The following APOLD1 variants were observed in gnomAD, a reference collection of about 807,000 sequenced individuals.
APOLD1 encodes the protein apolipoprotein L domain containing 1.
A neutral mutation model predicts 15.3 loss-of-function variants in APOLD1; 22 were observed. The observed-to-expected ratio is 1.44, with a 90% CI of 1.03 to 2.05. APOLD1 has a LOEUF of 2.05. Among genes scored for constraint, APOLD1 ranks in the 30% most tolerant of loss-of-function variants. APOLD1 has a pLI of 0.00. For synonymous variants in APOLD1, 190 were observed against 167.4 expected, an observed-to-expected ratio of 1.13 and a Z score of -1.04; for missense variants, 394 against 353.5, an observed-to-expected ratio of 1.11 and a Z score of -0.92.
intron 1 of APOLD1, among the ~76,000 whole-genome samples, chr12:12,775,003 T>C (rs1423081290): frequency 6.6e-6 from 1 of 152,236 alleles, no homozygotes; most frequent in African/African-American, 2.4e-5. Context: ...TACACACAGA[T>C]GCTTACCACA....
chr12:12,765,283 G>A (rs1326113228), intron 1 of APOLD1, among the ~76,000 whole-genome samples: 1 of 151,966 alleles, frequency 6.6e-6, no homozygotes, highest in East Asian at 1.9e-4. Flanking sequence ...GAACTCCTGG[G>A]GTCAAGTGAT....
rs1025276086 is a variant in APOLD1 at position 12,788,591 on chromosome 12, AG to A, written c.*940del. 2.6e-5 allele frequency: 4 copies of A among 152,214 alleles called. No individual in the cohort carries two copies. The highest frequency in any genetic ancestry group is 9.7e-5 in the African/African-American group (4 of 41,446). The allele number at this position is 152,214 out of a possible 1,614,324, so 9.4% of individuals were successfully genotyped here. A position where few individuals can be genotyped will look rare whatever the true frequency, so the allele number is the denominator to read the frequency against. On this transcript the variant is annotated 3_prime_UTR_variant, in exon 2 of 2. Transcript: ENST00000356591. ...ATGATGGTGCTGGCTCATATAGTGT[AG>A]TCCCTGGAATGGCAAATTAACATCA...
intron 1 of APOLD1, among the ~76,000 whole-genome samples, chr12:12,774,636 G>A (rs140436870): frequency 2.1e-4 from 32 of 151,062 alleles, no homozygotes; most frequent in Middle Eastern, 6.8e-3. Flanking sequence ...CAAAAAATGG[G>A]CCAATGACCT....
At chr12:12,734,634 G>T (rs76692483) in intron 1 of APOLD1, among the ~76,000 whole-genome samples, 2,223 of 152,236 alleles carry the variant, frequency 0.015, 49 homozygotes, top group African/African-American at 0.049. Context: ...TTATTTTTCA[G>T]GGAAGCTAGA....
intron 1 of APOLD1, among the ~76,000 whole-genome samples, chr12:12,742,454 T>C (rs1358984488): frequency 6.6e-6 from 1 of 152,196 alleles, no homozygotes; most frequent in Non-Finnish European, 1.5e-5. Context: ...AAAGGCCACC[T>C]TCTTCCAAGG....
chr12:12,758,056 G>C (rs1249877959), intron 1 of APOLD1, among the ~76,000 whole-genome samples: 1 of 145,894 alleles, frequency 6.9e-6, no homozygotes, highest in Non-Finnish European at 1.5e-5. Flanking sequence ...CTCCCAAGTA[G>C]CTGGGACTAC....
At chr12:12,780,549 C>T (rs548119273) in intron 1 of APOLD1, among the ~76,000 whole-genome samples, 2 of 151,710 alleles carry the variant, frequency 1.3e-5, no homozygotes, top group South Asian at 2.1e-4. Context: ...CTAAACCTCA[C>T]ATTTACAAGT....
At position 12,787,814 on chromosome 12, in the gene APOLD1, TC is replaced by T; in HGVS notation, c.*165del. 1 of 1,008,828 alleles carries T rather than the reference TC, an allele frequency of 9.9e-7. No homozygotes were observed. Among genetic ancestry groups the T allele is most frequent in the Non-Finnish European group, 1.4e-6 (1 of 711,412 alleles). The allele number at this position is 1,008,828 out of a possible 1,614,324, so 62.5% of individuals were successfully genotyped here. A position where few individuals can be genotyped will look rare whatever the true frequency, so the allele number is the denominator to read the frequency against. On this transcript the variant is annotated 3_prime_UTR_variant, in exon 2 of 2. Transcript: ENST00000356591. This position sits in a 1 kb window ranked among gnomAD's most constrained non-coding sequence, Gnocchi z 4.9. ...GGGCAGGTCCCCAAAGCCCTTCTTT[TC>T]CCATCACTGTGACATCTGCCTGGGC...
Position 12,787,203 on chromosome 12 carries a change from G to A in APOLD1, c.298G>A (p.Ala100Thr), listed in dbSNP as rs753127107. 1 of 1,552,102 alleles carries A rather than the reference G, an allele frequency of 6.4e-7. No individual in the cohort carries two copies. The highest frequency in any genetic ancestry group is 8.6e-7 in the Non-Finnish European group (1 of 1,157,138). Residue 100 changes from alanine to threonine, a missense_variant, in exon 2 of 2, where the codon GCC becomes ACC. Physicochemically the swap from Ala to Thr is moderately conservative, Grantham distance 58. Coordinates refer to ENST00000356591, the MANE Select transcript of APOLD1 (RefSeq NM_030817.3). This position sits in a 1 kb window ranked among gnomAD's most constrained non-coding sequence, Gnocchi z 4.9. The part of the protein sequence containing the change: ...VGLGVATAGG[A>T]VTITSDLSLI... ...GCTGGGGGTGGCCACAGCCGGAGGGGCCGTCACCATCACGTCCGATCTCTC... is the reference window on the plus strand; with the variant it reads ...GCTGGGGGTGGCCACAGCCGGAGGGACCGTCACCATCACGTCCGATCTCTC...
chr12:12,784,256 G>A (rs1271112142), upstream of APOLD1, among the ~76,000 whole-genome samples: 1 of 152,146 alleles, frequency 6.6e-6, no homozygotes, highest in Non-Finnish European at 1.5e-5. Context: ...GAAGTTAGAG[G>A]AACATGTGTC....
intron 1 of APOLD1, among the ~76,000 whole-genome samples, chr12:12,737,957 G>A (rs911776884): frequency 2.0e-5 from 3 of 152,106 alleles, no homozygotes; most frequent in Non-Finnish European, 4.4e-5. Flanking sequence ...TATGTGCCAG[G>A]CCCTGGACTA....
chr12:12,766,246 T>C (rs1357722604), intron 1 of APOLD1, among the ~76,000 whole-genome samples: 1 of 152,184 alleles, frequency 6.6e-6, no homozygotes, highest in Admixed American at 6.5e-5. Context: ...TTCCAAAATC[T>C]TGAAAGAATT....
intron 1 of APOLD1, among the ~76,000 whole-genome samples, chr12:12,745,456 G>T (rs1479256453): frequency 6.6e-6 from 1 of 152,076 alleles, no homozygotes; most frequent in Admixed American, 6.6e-5. Flanking sequence ...GTTGAATCAG[G>T]GAGGTGGAAG....
At chr12:12,777,249 A>G (rs759620526) in intron 1 of APOLD1, among the ~76,000 whole-genome samples, 1 of 152,174 alleles carries the variant, frequency 6.6e-6, no homozygotes, top group African/African-American at 2.4e-5. Context: ...CAGACAGTAG[A>G]TGGGCACTTG....
chr12:12,749,946 T>C (rs2136379051), intron 1 of APOLD1, among the ~76,000 whole-genome samples: 1 of 152,312 alleles, frequency 6.6e-6, no homozygotes. Flanking sequence ...ATTATCATTA[T>C]TTTTTGACTT....
chr12:12,768,161 C>A (rs1946955218), intron 1 of APOLD1, among the ~76,000 whole-genome samples: 1 of 151,996 alleles, frequency 6.6e-6, no homozygotes, highest in South Asian at 2.1e-4. Context: ...ACCAAACTCC[C>A]ATGGATGCTG....
rs1292439218 is a variant in APOLD1 at position 12,780,394 on chromosome 12, G to A, written c.97-6515G>A. Among the ~76,000 whole-genome samples, 2 of 151,502 alleles carry A rather than the reference G, an allele frequency of 1.3e-5. 1 individual carries two copies. Among genetic ancestry groups the A allele is most frequent in the South Asian group, 4.2e-4 (2 of 4,804 alleles). ...AAGTACCAAGTAGCTGGGACTACAGGCACACACCACCGAGGCGCCTGCCTC... is the reference window on the plus strand; with the variant it reads ...AAGTACCAAGTAGCTGGGACTACAGACACACACCACCGAGGCGCCTGCCTC... On this transcript the variant is annotated intron_variant, in intron 1 of 1. Coordinates refer to the APOLD1 transcript ENST00000326765.
At chr12:12,772,852 A>G (rs74378956) in intron 1 of APOLD1, among the ~76,000 whole-genome samples, 5 of 152,366 alleles carry the variant, frequency 3.3e-5, no homozygotes, top group African/African-American at 1.2e-4. Context: ...AAATCCCAAT[A>G]TACTTGGAGA....
At chr12:12,737,427 A>C (rs1264504411) in intron 1 of APOLD1, among the ~76,000 whole-genome samples, 3 of 152,206 alleles carry the variant, frequency 2.0e-5, no homozygotes, top group Non-Finnish European at 4.4e-5. Flanking sequence ...CATTGAAGTG[A>C]GGTATAATTC....
Sources: gnomAD v4.1 joint callset for allele counts (sites outside exome capture counted in the v4.1 genomes callset) on GRCh38, gnomAD v4.1.1 for gene constraint, Gnocchi (gnomAD v3.1) non-coding constraint, MANE v1.5 for transcripts, NCBI Gene and HGNC (gene_info 2026-07-23, HGNC 2026-07-21) for gene names.